GAK: variants seen among roughly 807,000 people sequenced by gnomAD.
GAK encodes the protein cyclin G associated kinase.
Under a neutral mutation model 143.9 loss-of-function variants are expected in GAK, and 79 were observed. The observed-to-expected ratio is 0.55, with a 90% CI of 0.46 to 0.66. GAK has a LOEUF of 0.66. GAK is among the 30% of genes least tolerant of loss of function. The pLI, the probability that GAK is intolerant of heterozygous loss-of-function variation, is 0.00. For synonymous variants in GAK, 881 were observed against 765.5 expected, an observed-to-expected ratio of 1.15 and a Z score of -2.49; for missense variants, 1,693 against 1,779.7, an observed-to-expected ratio of 0.95 and a Z score of 0.88.
intron 18 of GAK, chr4:872,884 G>A (rs1358633289): frequency 6.4e-6 from 1 of 157,134 alleles, no homozygotes; most frequent in Admixed American, 6.5e-5. Flanking sequence ...AGGCTCAGCT[G>A]TTACATCTGT....
intron 7 of GAK, among the ~76,000 whole-genome samples, chr4:895,544 C>T (rs920117226): frequency 3.9e-5 from 6 of 152,224 alleles, no homozygotes; most frequent in South Asian, 2.1e-4. Context: ...TGCAGCCCCA[C>T]GTGCTGTCTC....
intron 5 of GAK, among the ~76,000 whole-genome samples, chr4:900,929 G>A (rs1342647865): frequency 6.6e-5 from 10 of 152,188 alleles, no homozygotes; most frequent in Non-Finnish European, 1.5e-4. Context: ...TGGGGCTCAG[G>A]AGCAGGCTCT....
At chr4:909,786 A>G (rs1315554255) in intron 4 of GAK, among the ~76,000 whole-genome samples, 1 of 152,208 alleles carries the variant, frequency 6.6e-6, no homozygotes, top group African/African-American at 2.4e-5. Flanking sequence ...TGGACAATGG[A>G]CGCCCCTTGT....
At chr4:876,500 C>A (rs1203063255) in intron 18 of GAK, 30 bp downstream of exon 18, 5 of 1,601,274 alleles carry the variant, frequency 3.1e-6, no homozygotes, top group Non-Finnish European at 3.4e-6. Context: ...ACCTGTCCCT[C>A]CCCACCGAGC....
intron 11 of GAK, chr4:887,448 T>C (rs1003480044): frequency 6.8e-6 from 1 of 147,616 alleles, no homozygotes; most frequent in African/African-American, 2.5e-5. Flanking sequence ...CTCGCACACA[T>C]GCATACACAT....
intron 4 of GAK, among the ~76,000 whole-genome samples, chr4:907,488 T>C (rs990145332): frequency 1.3e-5 from 2 of 152,234 alleles, no homozygotes; most frequent in South Asian, 4.1e-4. Context: ...ACTTGCCCTC[T>C]ACGCTGGCCA....
chr4:912,705 T>C (rs373364470), intron 3 of GAK, 30 bp downstream of exon 3: 65 of 1,599,924 alleles, frequency 4.1e-5, no homozygotes, highest in Middle Eastern at 3.3e-4. Flanking sequence ...AAAGCCACCG[T>C]GCTGGCTCCT....
rs1215247501 is a variant in GAK, at chr4:849,662, C to G, written c.*11G>C. 1 of 1,603,368 alleles carries G rather than the reference C, an allele frequency of 6.2e-7. No homozygotes were observed. The highest frequency in any genetic ancestry group is 1.7e-5 in the Admixed American group (1 of 59,528). On this transcript the variant is annotated 3_prime_UTR_variant, in exon 28 of 28. Coordinates refer to ENST00000314167, the MANE Select transcript of GAK (RefSeq NM_005255.4). Reference sequence around the variant, plus strand: ...TGTGGAGCTGTGTGCGCAGCCACCACCACTGCGGCCTCAGAAGAGGGGCCG... The same window carrying G: ...TGTGGAGCTGTGTGCGCAGCCACCAGCACTGCGGCCTCAGAAGAGGGGCCG...
chr4:883,453 G>A lies in GAK; in HGVS notation c.1266C>T (p.Phe422=). 6.2e-7 allele frequency: 1 copy of A among 1,613,494 alleles called. No homozygotes were observed. Among genetic ancestry groups the A allele is most frequent in the South Asian group, 1.1e-5 (1 of 91,092 alleles). ...YITSRIAVMS[F]PAEGVESALK... The stretch of plus-strand genomic sequence containing the variant: ...GCGCTGACTCCACACCTTCTGCTGG[G>A]AATGACATCACTGAAACAAGCAGAC... The change falls in exon 13 of 28, where the codon TTC becomes TTT. Residue 422 remains phenylalanine (F), a synonymous_variant. Transcript: ENST00000314167.
chr4:911,621 G>T, intron 4 of GAK, 52 bp downstream of exon 4: 1 of 1,274,328 alleles, frequency 7.8e-7, no homozygotes, highest in Non-Finnish European at 1.1e-6. Context: ...GAGGCATCAA[G>T]CCGGCCTCTG....
At chr4:851,501 A>G in intron 25 of GAK, 1 of 582,756 alleles carries the variant, frequency 1.7e-6, no homozygotes, top group East Asian at 2.9e-5. Flanking sequence ...AGGGAAGACA[A>G]GACAGGGTTG....
intron 11 of GAK, among the ~76,000 whole-genome samples, chr4:885,432 G>A (rs904181712): frequency 7.9e-5 from 12 of 152,152 alleles, no homozygotes; most frequent in African/African-American, 7.2e-5. Flanking sequence ...GGCAGGCAGC[G>A]GCAAGCACAG....
chr4:904,642 G>T lies in GAK; in HGVS notation c.520C>A (p.Leu174Ile), dbSNP rs375697752. The change falls in exon 5 of 28, where the codon CTC (leucine) becomes ATC (isoleucine). Residue 174 changes from leucine to isoleucine, a missense_variant. This residue lies in a region of GAK where 871 missense variants were observed against 991.0 expected (regional missense o/e 0.88). Transcript: ENST00000314167. ...CGTGTGGAGGGAGCCACTACCTTGAGGTCCCTGTGGATGATGGGCGGCTTC... is the reference window on the plus strand; with the variant it reads ...CGTGTGGAGGGAGCCACTACCTTGATGTCCCTGTGGATGATGGGCGGCTTC... ...RQKPPIIHRD[L>I]KVENLLLSNQ... 9 of 1,590,722 alleles carry T rather than the reference G, an allele frequency of 5.7e-6. No individual in the cohort carries two copies. In the African/African-American group the frequency reaches 6.7e-5, roughly 12 times the overall value.
chr4:850,890 G>A (rs369909897), intron 26 of GAK, 46 bp downstream of exon 26: 2 of 1,587,850 alleles, frequency 1.3e-6, no homozygotes, highest in Non-Finnish European at 1.7e-6. Flanking sequence ...CAGGGGCCAT[G>A]GGTTGAGGCC....
chr4:903,629 C>G (rs548888734), intron 5 of GAK, among the ~76,000 whole-genome samples: 97 of 144,474 alleles, frequency 6.7e-4, no homozygotes, highest in African/African-American at 1.6e-3. Flanking sequence ...GGGGCCTGAA[C>G]TGACACCACC....
intron 1 of GAK, among the ~76,000 whole-genome samples, chr4:915,115 G>A (rs1483727211): frequency 1.3e-5 from 1 of 76,168 alleles, no homozygotes; most frequent in Non-Finnish European, 2.5e-5. Flanking sequence ...ACGGCCCCCC[G>A]CACTCAGCCC....
intron 1 of GAK, among the ~76,000 whole-genome samples, chr4:928,822 G>A (rs1187503002): frequency 1.3e-5 from 2 of 151,878 alleles, no homozygotes; most frequent in African/African-American, 4.8e-5. Flanking sequence ...GGAGTGCAAT[G>A]GCGTGATCTT....
At chr4:929,676 G>A (rs963237291) in intron 1 of GAK, among the ~76,000 whole-genome samples, 27 of 132,212 alleles carry the variant, frequency 2.0e-4, no homozygotes, top group Non-Finnish European at 3.8e-4. Flanking sequence ...GCAAGACCTC[G>A]TCTCTTAAAT....
chr4:915,065 T>C (rs1298797802), intron 1 of GAK, among the ~76,000 whole-genome samples: 25 of 38,088 alleles, frequency 6.6e-4, no homozygotes, highest in African/African-American at 1.1e-3. Flanking sequence ...ACACACACAG[T>C]CCCAGCGTGC....
Sources: gnomAD v4.1 joint callset for allele counts (sites outside exome capture counted in the v4.1 genomes callset) on GRCh38, gnomAD v4.1.1 for gene constraint, gnomAD v4.1.1 regional missense constraint, MANE v1.5 for transcripts, NCBI Gene and HGNC (gene_info 2026-07-23, HGNC 2026-07-21) for gene names.